The following NEK5 variants were observed in gnomAD, a reference collection of about 807,000 sequenced individuals.
NEK5 encodes serine/threonine-protein kinase Nek5.
A neutral mutation model predicts 109.2 loss-of-function variants in NEK5; 88 were observed. The ratio of observed to expected loss-of-function variants is 0.81; its 90% CI spans 0.68 to 0.96. NEK5 has a LOEUF of 0.96. Among genes scored for constraint, NEK5 ranks in the 40% least tolerant of loss-of-function variants. NEK5 has a pLI of 0.00. For synonymous variants in NEK5, 283 were observed against 299.9 expected (o/e 0.94, Z 0.58); for missense variants, 834 against 920.7 (o/e 0.91, Z 1.22).
intron 20 of NEK5, among the ~76,000 whole-genome samples, chr13:52,069,235 A>G (rs1954745417): frequency 6.6e-6 from 1 of 152,078 alleles, no homozygotes; most frequent in Admixed American, 6.5e-5. Flanking sequence ...GAGGCCATTA[A>G]CGGCTCCTGA....
rs1445070948 is a variant in NEK5, at chr13:52,086,279, CT to C, written c.1476del (p.Glu493ArgfsTer6). ...KEIRKKMGREPEENSKISHKT... is the reference protein window; with the variant it reads ...KEIRKKMGREXEENSKISHKT... ...TTCCCCTAGAAGAATGAATTTACCT[CT>C]GGTTCTCTCCCCATCTTCTTTCTAA... On this transcript the variant is annotated frameshift_variant, in exon 16 of 24. Coordinates refer to ENST00000684899, the MANE Select transcript of NEK5 (RefSeq NM_001365552.1). LOFTEE classifies it high-confidence loss of function. The C allele has an allele frequency of 6.3e-7, 1 of 1,587,460 alleles. No homozygotes were observed. The highest frequency in any genetic ancestry group is 1.3e-5 in the African/African-American group (1 of 74,442).
At chr13:52,102,401 A>C in intron 9 of NEK5, 109 bp from the exon 10 acceptor site, 2 of 916,870 alleles carry the variant, frequency 2.2e-6, no homozygotes, top group Non-Finnish European at 3.5e-6. Flanking sequence ...AATGTTTTTA[A>C]ATTGTAGTTA....
chr13:52,112,621 AT>A (rs1171453898), intron 4 of NEK5, among the ~76,000 whole-genome samples: 1 of 152,208 alleles, frequency 6.6e-6, no homozygotes, highest in Admixed American at 6.5e-5. Context: ...GCTTAGAATA[AT>A]GCCTGTACAT....
At chr13:52,125,525 T>C (rs1053245625) in intron 3 of NEK5, among the ~76,000 whole-genome samples, 2 of 152,164 alleles carry the variant, frequency 1.3e-5, no homozygotes, top group Non-Finnish European at 1.5e-5. Flanking sequence ...ATGGCACCAC[T>C]GCACTCCAGC....
At chr13:52,073,302 C>T (rs1462733875) in intron 19 of NEK5, among the ~76,000 whole-genome samples, 1 of 151,462 alleles carries the variant, frequency 6.6e-6, no homozygotes, top group East Asian at 1.9e-4. Flanking sequence ...CATTTGAACA[C>T]CAAACATTTT....
intron 17 of NEK5, among the ~76,000 whole-genome samples, chr13:52,079,348 G>C (rs531706205): frequency 2.4e-5 from 3 of 123,798 alleles, no homozygotes; most frequent in Admixed American, 8.6e-5. Flanking sequence ...CTCTGATGCC[G>C]AGCCGAAGCT....
intron 11 of NEK5, among the ~76,000 whole-genome samples, chr13:52,100,710 TA>T (rs527362752): frequency 2.2e-4 from 33 of 148,764 alleles, no homozygotes; most frequent in African/African-American, 5.9e-4. Flanking sequence ...CCCATCTCAA[TA>T]AAAAAAAAAT....
intron 3 of NEK5, among the ~76,000 whole-genome samples, chr13:52,125,643 G>T (rs150207380): frequency 6.6e-6 from 1 of 152,188 alleles, no homozygotes; most frequent in Non-Finnish European, 1.5e-5. Context: ...GATGCCAGGG[G>T]TAGAGACAGA....
Position 52,037,001 on chromosome 13 carries a change from T to TAC in NEK5, c.2444_2445dup (p.Ile816ValfsTer25). On this transcript the variant is annotated frameshift_variant, in exon 24 of 24. Transcript: ENST00000684899. LOFTEE classifies it high-confidence loss of function. The stretch of plus-strand genomic sequence containing the variant: ...GATGTTCCTTGGTCTTCATCAGTAA[T>TAC]ACAAATGTGGTCATTAGATGTAGTA... 1 of 985,276 alleles carries TAC rather than the reference T, an allele frequency of 1.0e-6. No homozygotes were observed. Among genetic ancestry groups the TAC allele is most frequent in the Non-Finnish European group, 1.2e-6 (1 of 829,780 alleles). 61.0% of individuals were successfully genotyped at this position (985,276 alleles called of 1,614,324 possible).
intron 4 of NEK5, among the ~76,000 whole-genome samples, chr13:52,116,188 A>AAG (rs1955854692): frequency 6.6e-6 from 1 of 151,518 alleles, no homozygotes; most frequent in Non-Finnish European, 1.5e-5. Flanking sequence ...CAAAAAAAAA[A>AAG]AAAAAAAAAT....
chr13:52,107,507 G>A (rs980111200), intron 8 of NEK5, among the ~76,000 whole-genome samples: 21 of 151,866 alleles, frequency 1.4e-4, no homozygotes, highest in South Asian at 4.2e-4. Flanking sequence ...CAGGAGAATC[G>A]CTTGAACCTG....
rs1954715407 is a variant in NEK5, at chr13:52,067,843, C to T, written c.1850-2234G>A. 2.0e-5 allele frequency among the ~76,000 whole-genome samples: 3 copies of T among 151,976 alleles called. No individual in the cohort carries two copies. In the South Asian group the frequency reaches 6.2e-4, roughly 32 times the overall value. ...AGTAGCTGAGATTACAGGTGTGCAC[C>T]ACCACACCTGGCTAATTTTTGTATT... On this transcript the variant is annotated intron_variant, in intron 20 of 23. Coordinates refer to ENST00000684899, the MANE Select transcript of NEK5 (RefSeq NM_001365552.1).
At chr13:52,039,274 A>G (rs1954394444) in intron 23 of NEK5, among the ~76,000 whole-genome samples, 1 of 152,120 alleles carries the variant, frequency 6.6e-6, no homozygotes, top group African/African-American at 2.4e-5. Flanking sequence ...CTGAGGGATG[A>G]GGGTTTGGAA....
chr13:52,079,298 C>G (rs1365290656), intron 17 of NEK5, among the ~76,000 whole-genome samples: 1 of 142,266 alleles, frequency 7.0e-6, no homozygotes, highest in Non-Finnish European at 1.5e-5. Context: ...CCCTCTCCCT[C>G]TCCCTCTCCC....
chr13:52,127,836 T>A (rs547324121), intron 1 of NEK5, among the ~76,000 whole-genome samples, 174 bp from the exon 2 acceptor site: 1 of 152,380 alleles, frequency 6.6e-6, no homozygotes, highest in African/African-American at 2.4e-5. Context: ...AAAGATACTA[T>A]ATCCGGTGTT....
In NEK5 at chr13:52,065,505, T is replaced by G. The variant is rs1242885955; in HGVS notation, c.1954A>C (p.Thr652Pro). 1 of 1,613,762 alleles carries G rather than the reference T, an allele frequency of 6.2e-7. No homozygotes were observed. The highest frequency in any genetic ancestry group is 8.5e-7 in the Non-Finnish European group (1 of 1,179,738). ...QMMAVADITS[T>P]CPTGPDNGQV... ...TCACTGTCAGGCCCCGTGGGGCAGG[T>G]GGAGGTGATGTCGGCCACTGCCATC... Residue 652 changes from threonine to proline, a missense_variant, in exon 21 of 24, where the codon ACC (threonine) becomes CCC (proline). Coordinates refer to ENST00000684899, the MANE Select transcript of NEK5 (RefSeq NM_001365552.1).
intron 3 of NEK5, among the ~76,000 whole-genome samples, chr13:52,126,432 A>G (rs1382586666): frequency 6.6e-6 from 1 of 152,264 alleles, no homozygotes. Flanking sequence ...GCAATAAACA[A>G]ATGAATAATT....
At chr13:52,104,789 T>G (rs1439909947) in intron 8 of NEK5, among the ~76,000 whole-genome samples, 2 of 152,178 alleles carry the variant, frequency 1.3e-5, no homozygotes, top group Non-Finnish European at 2.9e-5. Context: ...TGCTACAACC[T>G]GGTGGCTTAA....
intron 12 of NEK5, among the ~76,000 whole-genome samples, chr13:52,095,254 AC>A (rs1302869547): frequency 6.6e-6 from 1 of 152,006 alleles, no homozygotes; most frequent in Non-Finnish European, 1.5e-5. Flanking sequence ...ATCTTTTAAA[AC>A]AAGAAGTAGT....
Sources: gnomAD v4.1 joint callset for allele counts (sites outside exome capture counted in the v4.1 genomes callset) on GRCh38, gnomAD v4.1.1 for gene constraint, MANE v1.5 for transcripts, NCBI Gene and HGNC (gene_info 2026-07-23, HGNC 2026-07-21) for gene names.